The following ZNF7 variants were observed in gnomAD, a reference collection of about 807,000 sequenced individuals.
ZNF7 encodes the protein zinc finger protein 7.
Under a neutral mutation model 12.0 loss-of-function variants are expected in ZNF7, and 10 were observed. The ratio of observed to expected loss-of-function variants is 0.83; its 90% confidence interval spans 0.51 to 1.42. ZNF7 has a LOEUF of 1.42. Among genes scored for constraint, ZNF7 ranks in the 40% most tolerant of loss-of-function variants. The pLI is 0.00. For missense variants in ZNF7, 854 were observed against 837.2 expected (o/e 1.02, Z -0.25); for synonymous variants, 334 against 295.0 (o/e 1.13, Z -1.35).
chr8:144,829,714 G>A, intron 3 of ZNF7, 110 bp downstream of exon 3: 1 of 1,380,782 alleles, frequency 7.2e-7, no homozygotes, highest in Non-Finnish European at 9.7e-7. Context: ...ACCCTTGTGG[G>A]CTCCACAGGG....
chr8:144,838,002 T>G (rs144376530), intron 4 of ZNF7: 48 of 692,944 alleles, frequency 6.9e-5, no homozygotes, highest in Non-Finnish European at 1.1e-4. Context: ...ATTTATTGTC[T>G]CACAGCTGTG....
downstream of ZNF7, among the ~76,000 whole-genome samples, chr8:144,844,421 C>T (rs181586987): frequency 2.6e-4 from 40 of 152,090 alleles, no homozygotes; most frequent in African/African-American, 8.4e-4. Flanking sequence ...GAGAAAAAGA[C>T]GAAAATGGGC....
intron 4 of ZNF7, chr8:144,837,938 T>G: frequency 1.6e-6 from 1 of 637,470 alleles, no homozygotes. Flanking sequence ...TGCATTACTT[T>G]CCTGTGGCTG....
At chr8:144,839,286 C>T (rs780021559) in intron 4 of ZNF7, among the ~76,000 whole-genome samples, 37 of 152,246 alleles carry the variant, frequency 2.4e-4, no homozygotes, top group African/African-American at 3.4e-4. Flanking sequence ...AGCCTCTTCA[C>T]GCCCTGTGGG....
At chr8:144,838,052 C>T (rs558081814) in intron 4 of ZNF7, 4 of 693,644 alleles carry the variant, frequency 5.8e-6, no homozygotes, top group African/African-American at 4.1e-5. Context: ...GCAAGCAGGG[C>T]CGTGCCCCCC....
intron 3 of ZNF7, chr8:144,833,945 A>G (rs1477138949): frequency 6.6e-6 from 1 of 151,590 alleles, no homozygotes; most frequent in East Asian, 2.0e-4. Flanking sequence ...ACACCCGGCT[A>G]ATTTTTATAT....
At position 144,843,369 on chromosome 8, in the gene ZNF7, C is replaced by T. The variant is rs1830234292; in HGVS notation, c.*201C>T. ...CTTTGGGAGGCCAAGGCGGGCACAT[C>T]ACGAGGTCAGGAGGTTGAGACCATC... On this transcript the variant is annotated 3_prime_UTR_variant, in exon 5 of 5. Coordinates refer to ENST00000532777, the MANE Select transcript of ZNF7 (RefSeq NM_003416.4). 2 of 568,928 alleles carry T rather than the reference C, an allele frequency of 3.5e-6. No individual in the cohort carries two copies. The highest frequency in any genetic ancestry group is 5.8e-6 in the Non-Finnish European group (2 of 345,514). The allele number at this position is 568,928 out of a possible 1,614,324, so 35.2% of individuals were successfully genotyped here.
chr8:144,837,451 G>A lies in ZNF7; in HGVS notation c.191G>A (p.Trp64Ter). ...ISRLEQGEEP[W>*]VLDLQGAEGT... ...CGGCTGGAGCAGGGAGAAGAGCCAT[G>A]GGTCCTCGACCTGCAGGGAGCAGAG... is the stretch of plus-strand genomic sequence containing the variant. Residue 64 changes from tryptophan (W) to a stop codon, truncating the protein, a stop_gained, in exon 4 of 5, where the codon TGG (tryptophan) becomes TAG (stop). Transcript: ENST00000532777. LOFTEE classifies it high-confidence loss of function. 6.2e-7 allele frequency: 1 copy of A among 1,613,250 alleles called. No individual in the cohort carries two copies. Among genetic ancestry groups the A allele is most frequent in the Non-Finnish European group, 8.5e-7 (1 of 1,179,270 alleles).
intron 3 of ZNF7, chr8:144,835,245 C>T (rs1473327838): frequency 6.7e-6 from 1 of 149,752 alleles, no homozygotes; most frequent in Non-Finnish European, 1.5e-5. Flanking sequence ...GCTCTGTTGT[C>T]CAGCCTAGAG....
chr8:144,829,417 G>A, intron 2 of ZNF7, 61 bp from the exon 3 acceptor site: 1 of 1,607,730 alleles, frequency 6.2e-7, no homozygotes. Context: ...ATGTCATGAG[G>A]CAGCGCCAGA....
chr8:144,834,763 C>T (rs1303112549), intron 3 of ZNF7: 31 of 135,096 alleles, frequency 2.3e-4, no homozygotes, highest in African/African-American at 6.2e-4. Context: ...TTTTTTGAGA[C>T]GGAGTCTCGC....
At chr8:144,846,393 A>G (rs1830512925), downstream of ZNF7, 2 of 555,630 alleles carry the variant, frequency 3.6e-6, no homozygotes, top group Non-Finnish European at 6.3e-6. Context: ...TTTGAAAACT[A>G]TGTTAAAATC....
intron 3 of ZNF7, among the ~76,000 whole-genome samples, chr8:144,831,510 G>A (rs1022382014): frequency 3.3e-5 from 5 of 152,208 alleles, no homozygotes. Flanking sequence ...AGGGCCGGGC[G>A]CGGTGGCTCA....
rs190275773 is a variant in ZNF7 at position 144,830,941 on chromosome 8, C to A, written c.130+1337C>A. ...AATGTTTCTTCACAGCTTTTAGTGA[C>A]CCCACTCTCTGGTTTGGTTATCTGT... On this transcript the variant is annotated intron_variant, in intron 3 of 4. Coordinates refer to ENST00000532777, the MANE Select transcript of ZNF7 (RefSeq NM_003416.4). 4.8e-5 allele frequency: 22 copies of A among 457,128 alleles called. No homozygotes were observed. The East Asian group carries it at 1.5e-3, about 30-fold the overall frequency. 28.3% of individuals were successfully genotyped at this position (457,128 alleles called of 1,614,324 possible). A position where few individuals can be genotyped will look rare whatever the true frequency, so the allele number is the denominator to read the frequency against.
intron 1 of ZNF7, 139 bp downstream of exon 1, chr8:144,827,748 G>T: frequency 2.2e-6 from 2 of 929,570 alleles, no homozygotes; most frequent in African/African-American, 1.8e-5. Flanking sequence ...GGGGCTTTGC[G>T]GGGCCTTGAG....
chr8:144,830,275 G>A (rs1022936370), intron 3 of ZNF7, among the ~76,000 whole-genome samples: 1 of 152,238 alleles, frequency 6.6e-6, no homozygotes, highest in Non-Finnish European at 1.5e-5. Flanking sequence ...GCTTCTTGGG[G>A]TGTTGGACCA....
chr8:144,844,515 C>G (rs541344604), downstream of ZNF7, among the ~76,000 whole-genome samples: 1,316 of 151,920 alleles, frequency 8.7e-3, 17 homozygotes, highest in African/African-American at 0.029. Flanking sequence ...TGAAGACCAT[C>G]CTGGCTAACA....
At chr8:144,847,005 A>C (rs1349335643), downstream of ZNF7, 1 of 152,086 alleles carries the variant, frequency 6.6e-6, no homozygotes, top group African/African-American at 2.4e-5. Flanking sequence ...GCTGAGGAGG[A>C]GTCCTCTTCT....
Position 144,842,668 on chromosome 8 carries a change from G to A in ZNF7, c.1561G>A (p.Gly521Arg). 6.2e-7 allele frequency: 1 copy of A among 1,614,188 alleles called. No individual in the cohort carries two copies. The highest frequency in any genetic ancestry group is 8.5e-7 in the Non-Finnish European group (1 of 1,180,046). The change falls in exon 5 of 5, where the codon GGA (glycine) becomes AGA (arginine). Residue 521 changes from glycine (G) to arginine (R), a missense_variant. Coordinates refer to ENST00000532777, the MANE Select transcript of ZNF7 (RefSeq NM_003416.4). ...SLIYHQRIHK[G>R]EKPYECLQCG... ...TATTTACCATCAGAGAATCCATAAA[G>A]GAGAGAAGCCCTACGAATGCCTCCA... is the stretch of plus-strand genomic sequence containing the variant.
Sources: allele counts gnomAD v4.1 joint callset (sites outside exome capture counted in the v4.1 genomes callset), GRCh38; gene constraint gnomAD v4.1.1; transcripts MANE v1.5; gene names NCBI Gene and HGNC (gene_info 2026-07-23, HGNC 2026-07-21).